The following DNAH12 variants were observed in gnomAD, a reference collection of about 807,000 sequenced individuals.
DNAH12 encodes the protein axonemal beta dynein heavy chain 12.
In DNAH12, 285 loss-of-function variants were observed where a neutral mutation model predicts 371.5. The observed-to-expected ratio is 0.77, with a 90% CI of 0.70 to 0.85. The LOEUF (loss-of-function observed/expected upper bound fraction) is 0.85, where lower values mean the gene tolerates loss of function less well. DNAH12 is among the 40% of genes least tolerant of loss of function. The probability of loss-of-function intolerance (pLI) is 0.00; values close to 1 mark genes in which losing one functional copy is unlikely to be tolerated. For missense variants in DNAH12, 3,611 were observed against 3,689.4 expected (o/e 0.98, Z 0.55); for synonymous variants, 1,200 against 1,213.0 (o/e 0.99, Z 0.22).
intron 12 of DNAH12, among the ~76,000 whole-genome samples, chr3:57,488,439 T>A (rs996320961): frequency 2.0e-5 from 3 of 151,966 alleles, no homozygotes; most frequent in African/African-American, 7.2e-5. Flanking sequence ...TGATTCGCCC[T>A]CCTCGGCCTC....
chr3:57,352,841 C>A (rs1001041107), intron 59 of DNAH12, among the ~76,000 whole-genome samples: 3 of 152,108 alleles, frequency 2.0e-5, no homozygotes, highest in Admixed American at 6.5e-5. Flanking sequence ...GTAATCCCAG[C>A]ACTTTAGGAG....
chr3:57,450,696 C>T (rs1422850345), intron 25 of DNAH12, among the ~76,000 whole-genome samples: 1 of 152,238 alleles, frequency 6.6e-6, no homozygotes, highest in East Asian at 1.9e-4. Flanking sequence ...TTAGGGATAA[C>T]TGTGTCCTTG....
At chr3:57,499,375 T>C (rs752067415) in intron 11 of DNAH12, among the ~76,000 whole-genome samples, 9 of 151,876 alleles carry the variant, frequency 5.9e-5, no homozygotes, top group Non-Finnish European at 1.2e-4. Context: ...AAACTAAATG[T>C]CAAGTTGATT....
rs2061234504 is a variant in DNAH12 at position 57,296,435 on chromosome 3, C to T, written c.11533G>A (p.Val3845Ile). 2 of 1,548,754 alleles carry T rather than the reference C, an allele frequency of 1.3e-6. No homozygotes were observed. Among genetic ancestry groups the T allele is most frequent in the Non-Finnish European group, 1.7e-6 (2 of 1,144,892 alleles). The change falls in exon 72 of 74, where the codon GTT becomes ATT. Residue 3845 changes from valine to isoleucine, a missense_variant and splice_region_variant. Physicochemically the swap from Val to Ile is conservative, Grantham distance 29. Transcript: ENST00000495027. Reference protein sequence around the residue: ...PIDLLGYEFEVIPSDTSDTSP... With the variant: ...PIDLLGYEFEIIPSDTSDTSP... Reference sequence around the variant, plus strand: ...GTGTCAGATGTATCAGATGGGATAACCTGAAGGGATAGGCACACACTAGCA... The same window carrying T: ...GTGTCAGATGTATCAGATGGGATAATCTGAAGGGATAGGCACACACTAGCA...
At chr3:57,379,617 G>T (rs1012332960) in intron 51 of DNAH12, among the ~76,000 whole-genome samples, 5 of 152,156 alleles carry the variant, frequency 3.3e-5, no homozygotes, top group Non-Finnish European at 7.4e-5. Flanking sequence ...AAGGCTGGCA[G>T]ATCACTTGAG....
At chr3:57,416,921 C>A (rs941228092) in intron 37 of DNAH12, among the ~76,000 whole-genome samples, 9 of 152,280 alleles carry the variant, frequency 5.9e-5, no homozygotes, top group African/African-American at 1.9e-4. Context: ...AAAATACTAT[C>A]ATTTTGAATG....
chr3:57,312,505 G>A (rs572383977), intron 66 of DNAH12, among the ~76,000 whole-genome samples: 2 of 152,346 alleles, frequency 1.3e-5, no homozygotes, highest in Non-Finnish European at 2.9e-5. Context: ...GAGGCAGCCT[G>A]CTCATACCAG....
intron 4 of DNAH12, among the ~76,000 whole-genome samples, chr3:57,521,840 T>C (rs1464522805): frequency 6.6e-6 from 1 of 152,130 alleles, no homozygotes; most frequent in African/African-American, 2.4e-5. Flanking sequence ...TGAGCCAAGA[T>C]CGCACCACTG....
chr3:57,323,671 G>A (rs2153295695), intron 62 of DNAH12, 52 bp from the exon 63 acceptor site: 3 of 1,434,650 alleles, frequency 2.1e-6, no homozygotes, highest in East Asian at 2.6e-5. Context: ...TTCACATAAT[G>A]GATATGAATA....
At chr3:57,486,794 C>T (rs4284950) in intron 12 of DNAH12, among the ~76,000 whole-genome samples, 135,347 of 151,956 alleles carry the variant, frequency 0.89, 60,871 homozygotes, top group African/African-American at 0.97. Context: ...CACTTCGGTC[C>T]GGGCAACATA....
chr3:57,448,578 G>C (rs939194325), intron 25 of DNAH12, among the ~76,000 whole-genome samples: 5 of 152,206 alleles, frequency 3.3e-5, no homozygotes, highest in African/African-American at 1.2e-4. Flanking sequence ...AAAAGCAAAA[G>C]AACAAAGCTT....
At chr3:57,347,157 T>C (rs945825054) in intron 60 of DNAH12, among the ~76,000 whole-genome samples, 1 of 152,024 alleles carries the variant, frequency 6.6e-6, no homozygotes, top group Admixed American at 6.6e-5. Flanking sequence ...CAAGACATTA[T>C]AAGAAAGGAA....
At chr3:57,525,488 G>A (rs779662154) in intron 2 of DNAH12, among the ~76,000 whole-genome samples, 1 of 152,134 alleles carries the variant, frequency 6.6e-6, no homozygotes, top group Non-Finnish European at 1.5e-5. Flanking sequence ...GGGTGGGGAT[G>A]TTGAAAGAGA....
intron 65 of DNAH12, among the ~76,000 whole-genome samples, chr3:57,321,009 G>A (rs1347594325): frequency 6.6e-6 from 1 of 152,156 alleles, no homozygotes; most frequent in Non-Finnish European, 1.5e-5. Context: ...AGCGTAGCTT[G>A]CTCAATGTTG....
intron 4 of DNAH12, 67 bp downstream of exon 4, chr3:57,523,516 G>T: frequency 2.2e-6 from 3 of 1,378,012 alleles, no homozygotes; most frequent in East Asian, 2.4e-5. Flanking sequence ...GGTGGTCTTA[G>T]ATGAAACTAC....
At chr3:57,446,401 C>T in intron 26 of DNAH12, 131 bp from the exon 27 acceptor site, 5 of 1,417,322 alleles carry the variant, frequency 3.5e-6, no homozygotes, top group Non-Finnish European at 4.7e-6. Flanking sequence ...AAAACAATGT[C>T]TTTACTCCTA....
intron 8 of DNAH12, 65 bp from the exon 9 acceptor site, chr3:57,504,269 ACTGATTATAATTGTCTATAT>A (rs2067667446): frequency 7.2e-7 from 1 of 1,385,546 alleles, no homozygotes; most frequent in African/African-American, 1.4e-5. Flanking sequence ...AAATCAGTAA[ACTGATTATAATTGTCTATAT>A]CTGATTATAA....
At chr3:57,301,185 G>C (rs1313083413) in intron 70 of DNAH12, among the ~76,000 whole-genome samples, 1 of 135,358 alleles carries the variant, frequency 7.4e-6, no homozygotes, top group Non-Finnish European at 1.5e-5. Flanking sequence ...TATTCAAGAG[G>C]ATCCCAGGAT....
intron 35 of DNAH12, 91 bp from the exon 36 acceptor site, chr3:57,421,797 G>A: frequency 7.2e-7 from 1 of 1,390,808 alleles, no homozygotes; most frequent in Non-Finnish European, 9.9e-7. Flanking sequence ...ATTAGGATAT[G>A]CTCAACTTAC....
Sources: gnomAD v4.1 joint callset for allele counts (sites outside exome capture counted in the v4.1 genomes callset) on GRCh38, gnomAD v4.1.1 for gene constraint, MANE v1.5 for transcripts, NCBI Gene and HGNC (gene_info 2026-07-23, HGNC 2026-07-21) for gene names.